The following CACNA2D1 variants were observed in gnomAD, a reference collection of about 807,000 sequenced individuals.
The protein encoded by CACNA2D1 is voltage-dependent calcium channel subunit alpha-2/delta-1.
A neutral mutation model predicts 171.5 loss-of-function variants in CACNA2D1; 53 were observed. That is an observed-to-expected ratio of 0.31 (90% CI 0.25 to 0.39). The LOEUF (loss-of-function observed/expected upper bound fraction) is 0.39, where lower values mean the gene tolerates loss of function less well. Among genes scored for constraint, CACNA2D1 ranks in the 10% least tolerant of loss-of-function variants. CACNA2D1 has a pLI of 1.00. For missense variants in CACNA2D1, 903 were observed against 1,299.8 expected, an observed-to-expected ratio of 0.69 and a Z score of 4.69; for synonymous variants, 442 against 443.1, an observed-to-expected ratio of 1.00 and a Z score of 0.03.
At chr7:82,238,813 C>T (rs1374534887) in intron 3 of CACNA2D1, among the ~76,000 whole-genome samples, 1 of 152,074 alleles carries the variant, frequency 6.6e-6, no homozygotes, top group East Asian at 1.9e-4. Flanking sequence ...TCACATAATG[C>T]CACACCTAGA....
chr7:82,369,464 T>C (rs1455802250), intron 1 of CACNA2D1, among the ~76,000 whole-genome samples: 4 of 151,844 alleles, frequency 2.6e-5, no homozygotes, highest in Admixed American at 1.3e-4. Context: ...TCAGAGTAAA[T>C]ATTAATGGAT....
chr7:82,161,424 T>G (rs1794935438), intron 4 of CACNA2D1, among the ~76,000 whole-genome samples: 1 of 152,048 alleles, frequency 6.6e-6, no homozygotes, highest in South Asian at 2.1e-4. Context: ...ATTTGATTAA[T>G]AATCTCAAGA....
intron 4 of CACNA2D1, among the ~76,000 whole-genome samples, chr7:82,151,638 G>C (rs142670225): frequency 6.6e-6 from 1 of 152,194 alleles, no homozygotes; most frequent in East Asian, 1.9e-4. Flanking sequence ...AGTCATAAGA[G>C]GCTGGTGTCA....
intron 10 of CACNA2D1, among the ~76,000 whole-genome samples, chr7:82,046,342 C>T (rs1399231179): frequency 6.6e-6 from 1 of 152,172 alleles, no homozygotes; most frequent in Admixed American, 6.5e-5. Flanking sequence ...AATATCTTCA[C>T]TAATGACACT....
At chr7:82,410,525 A>G in intron 1 of CACNA2D1, 1 of 985,396 alleles carries the variant, frequency 1.0e-6, no homozygotes, top group Non-Finnish European at 1.2e-6. Flanking sequence ...AGTGGTCTGA[A>G]GGTGCACGCT....
At chr7:82,056,145 T>C (rs1412760595) in intron 10 of CACNA2D1, among the ~76,000 whole-genome samples, 1 of 151,116 alleles carries the variant, frequency 6.6e-6, no homozygotes, top group Admixed American at 6.6e-5. Flanking sequence ...CAGAAGATAC[T>C]GAGATAATAT....
chr7:82,410,090 T>A (rs1387139222), intron 1 of CACNA2D1, among the ~76,000 whole-genome samples: 9 of 152,254 alleles, frequency 5.9e-5, no homozygotes, highest in Non-Finnish European at 1.0e-4. Context: ...AATGTCATTA[T>A]TTGGTGCATG....
chr7:82,416,378 T>A (rs1415482025), intron 1 of CACNA2D1, among the ~76,000 whole-genome samples: 4 of 152,112 alleles, frequency 2.6e-5, no homozygotes, highest in Non-Finnish European at 4.4e-5. Flanking sequence ...GGTAATGATG[T>A]CTGGATTCGT....
chr7:81,956,505 A>ATAAT (rs1793369303), intron 38 of CACNA2D1, among the ~76,000 whole-genome samples: 1 of 152,112 alleles, frequency 6.6e-6, no homozygotes, highest in South Asian at 2.1e-4. Context: ...TCAGGAATTA[A>ATAAT]TAATAATTCA....
rs61512655 is a variant in CACNA2D1 at position 82,056,009 on chromosome 7, T to TAAAAAA, written c.879+4413_879+4418dup. Among the ~76,000 whole-genome samples the TAAAAAA allele has an allele frequency of 1.4e-4, 6 of 42,182 alleles. 1 individual carries two copies. Among genetic ancestry groups the TAAAAAA allele is most frequent in the Non-Finnish European group, 2.0e-4 (5 of 24,896 alleles). 27.7% of individuals were successfully genotyped at this position (42,182 alleles called of 152,430 possible). ...CATGACAATAAACCTACTCAAAAGT[T>TAAAAAA]AAAAAAAAAAAAAAAAAAAAAAGGC... is the stretch of plus-strand genomic sequence containing the variant. On this transcript the variant is annotated intron_variant, in intron 10 of 38. Transcript: ENST00000356860.
chr7:82,189,070 A>G (rs188202645), intron 3 of CACNA2D1, among the ~76,000 whole-genome samples: 1 of 152,128 alleles, frequency 6.6e-6, no homozygotes, highest in African/African-American at 2.4e-5. Context: ...ACTGGGTGCT[A>G]TGCTTATTAC....
chr7:82,380,670 C>T (rs1025716497), intron 1 of CACNA2D1, among the ~76,000 whole-genome samples: 2 of 151,802 alleles, frequency 1.3e-5, no homozygotes, highest in African/African-American at 2.4e-5. Flanking sequence ...TATAACCTCC[C>T]AACTACTCAT....
intron 21 of CACNA2D1, among the ~76,000 whole-genome samples, chr7:81,985,293 C>A (rs984106535): frequency 6.6e-6 from 1 of 150,776 alleles, no homozygotes; most frequent in Non-Finnish European, 1.5e-5. Flanking sequence ...CCTAAATCCC[C>A]TGGGCTCAAT....
chr7:82,162,331 A>T (rs1436878422), intron 4 of CACNA2D1, among the ~76,000 whole-genome samples: 2 of 151,902 alleles, frequency 1.3e-5, no homozygotes, highest in African/African-American at 4.8e-5. Flanking sequence ...TGGAGCTAGT[A>T]TGTATGTGGA....
chr7:82,290,006 C>G (rs1382672783), intron 3 of CACNA2D1, among the ~76,000 whole-genome samples: 4 of 152,170 alleles, frequency 2.6e-5, no homozygotes, highest in African/African-American at 9.7e-5. Flanking sequence ...GAAGTTCAAG[C>G]TGAAGGCTCT....
intron 3 of CACNA2D1, among the ~76,000 whole-genome samples, chr7:82,280,210 C>G (rs1375249860): frequency 6.6e-6 from 1 of 152,050 alleles, no homozygotes; most frequent in East Asian, 1.9e-4. Context: ...TTAGATTTGG[C>G]TAGTTTCCAT....
chr7:82,307,930 A>C (rs186257500), intron 3 of CACNA2D1, among the ~76,000 whole-genome samples: 4 of 152,344 alleles, frequency 2.6e-5, no homozygotes, highest in Admixed American at 2.6e-4. Flanking sequence ...TATGGTCATC[A>C]GCTTAATTAA....
At chr7:81,951,969 G>GTTTTTTTTTTTTTTTTTTGTTTTTT (rs1792586080) in intron 38 of CACNA2D1, among the ~76,000 whole-genome samples, 3 of 71,904 alleles carry the variant, frequency 4.2e-5, no homozygotes, top group East Asian at 4.9e-4. Flanking sequence ...TGTACAAAGT[G>GTTTTTTTTTTTTTTTTTTGTTTTTT]TTTTTTTTTT....
intron 38 of CACNA2D1, among the ~76,000 whole-genome samples, chr7:81,954,193 G>A (rs937809818): frequency 6.6e-5 from 10 of 151,958 alleles, no homozygotes; most frequent in African/African-American, 2.4e-4. Flanking sequence ...CTGACACCAT[G>A]ACCAGATATA....
Sources: gnomAD v4.1 joint callset for allele counts (sites outside exome capture counted in the v4.1 genomes callset) on GRCh38, gnomAD v4.1.1 for gene constraint, MANE v1.5 for transcripts, NCBI Gene and HGNC (gene_info 2026-07-23, HGNC 2026-07-21) for gene names.